Variants in PDSS2 observed in about 807,000 individuals in gnomAD.
PDSS2 encodes all trans-polyprenyl-diphosphate synthase PDSS2.
PDSS2 carries 31 observed loss-of-function variants against 44.5 expected under a neutral mutation model. The observed-to-expected ratio is 0.70, with a 90% CI of 0.52 to 0.94. The LOEUF (loss-of-function observed/expected upper bound fraction) is 0.94. Ranked by LOEUF, PDSS2 falls within the 40% of genes least tolerant of loss-of-function variation. The pLI is 0.00. For synonymous variants in PDSS2, 157 were observed against 180.3 expected (o/e 0.87, Z 1.03); for missense variants, 452 against 482.2 (o/e 0.94, Z 0.59).
chr6:107,403,072 T>C (rs924804500), intron 1 of PDSS2, among the ~76,000 whole-genome samples: 2 of 152,136 alleles, frequency 1.3e-5, no homozygotes, highest in African/African-American at 4.8e-5. Context: ...GGCAAGTCCC[T>C]TCCGCCTAGG....
chr6:107,410,924 G>A (rs916040732), intron 1 of PDSS2, among the ~76,000 whole-genome samples: 36 of 148,582 alleles, frequency 2.4e-4, no homozygotes, highest in Middle Eastern at 3.8e-3. Context: ...GTCTTATGCC[G>A]CCCAGGCTGG....
At chr6:107,410,007 T>C (rs1289123756) in intron 1 of PDSS2, among the ~76,000 whole-genome samples, 1 of 151,532 alleles carries the variant, frequency 6.6e-6, no homozygotes, top group Non-Finnish European at 1.5e-5. Flanking sequence ...GAGAGAAGAG[T>C]ATGAGAAAAG....
intron 2 of PDSS2, among the ~76,000 whole-genome samples, chr6:107,281,395 T>C (rs1186534017): frequency 6.6e-6 from 1 of 152,204 alleles, no homozygotes; most frequent in African/African-American, 2.4e-5. Flanking sequence ...TAAGTCTTGT[T>C]AGAGTCTTGT....
intron 4 of PDSS2, among the ~76,000 whole-genome samples, chr6:107,233,804 C>A (rs1201057679): frequency 6.6e-6 from 1 of 151,696 alleles, no homozygotes; most frequent in African/African-American, 2.4e-5. Flanking sequence ...CAGAGTGAGA[C>A]CCTGTCTCTG....
chr6:107,210,448 C>G lies in PDSS2; in HGVS notation c.999G>C (p.Gln333His). ...AGTAATTTCATTTTACCTCTCCGAT[C>G]TGTTTAATCCACAAATCTCTTCCAA... ...EFLGRDLWIKQIGEAQEKGRL... is the reference protein window; with the variant it reads ...EFLGRDLWIKHIGEAQEKGRL... The change falls in exon 6 of 8, where the codon CAG (glutamine) becomes CAC (histidine). Residue 333 changes from glutamine (Q) to histidine (H), a missense_variant. Gln to His is a conservative substitution (Grantham distance 24). Transcript: ENST00000369037. The G allele has an allele frequency of 6.2e-7, 1 of 1,608,228 alleles. No homozygotes were observed. The highest frequency in any genetic ancestry group is 1.1e-5 in the South Asian group (1 of 90,946).
intron 7 of PDSS2, among the ~76,000 whole-genome samples, chr6:107,168,616 G>A (rs1173948218): frequency 2.6e-5 from 4 of 151,508 alleles, no homozygotes; most frequent in East Asian, 1.9e-4. Flanking sequence ...GGCTGGTACC[G>A]GTTGTTCCTT....
At chr6:107,289,260 C>A (rs1376274766) in intron 2 of PDSS2, among the ~76,000 whole-genome samples, 3 of 151,364 alleles carry the variant, frequency 2.0e-5, no homozygotes, top group East Asian at 4.0e-4. Flanking sequence ...GCAATCCCAG[C>A]TACTCAGGAG....
chr6:107,251,138 G>C (rs1774803823), intron 3 of PDSS2, among the ~76,000 whole-genome samples: 1 of 152,176 alleles, frequency 6.6e-6, no homozygotes, highest in African/African-American at 2.4e-5. Flanking sequence ...ACAGGCGTGA[G>C]CCACCGCACC....
chr6:107,321,393 A>C (rs1258539295), intron 2 of PDSS2, among the ~76,000 whole-genome samples: 1 of 152,216 alleles, frequency 6.6e-6, no homozygotes, highest in Non-Finnish European at 1.5e-5. Flanking sequence ...TTTAGTAAGA[A>C]AACATACATA....
At chr6:107,209,680 A>C (rs1169583994) in intron 6 of PDSS2, among the ~76,000 whole-genome samples, 2 of 151,580 alleles carry the variant, frequency 1.3e-5, no homozygotes, top group Non-Finnish European at 2.9e-5. Context: ...GGCATCTCAA[A>C]GTGCTGGGAT....
intron 1 of PDSS2, among the ~76,000 whole-genome samples, chr6:107,341,408 A>G (rs1778075230): frequency 6.6e-6 from 1 of 152,218 alleles, no homozygotes; most frequent in Admixed American, 6.5e-5. Context: ...TTAACTTTGA[A>G]TGCAAGAAGG....
At chr6:107,355,311 T>C (rs778489022) in intron 1 of PDSS2, among the ~76,000 whole-genome samples, 12 of 152,206 alleles carry the variant, frequency 7.9e-5, no homozygotes, top group Non-Finnish European at 1.6e-4. Context: ...AAAATGGGTA[T>C]GCATATTTTT....
chr6:107,453,827 AAATATT>A (rs1311047152), intron 1 of PDSS2, among the ~76,000 whole-genome samples: 2 of 152,218 alleles, frequency 1.3e-5, no homozygotes, highest in Non-Finnish European at 2.9e-5. Flanking sequence ...GGAAAAAAAC[AAATATT>A]ATATAACTAC....
intron 2 of PDSS2, among the ~76,000 whole-genome samples, chr6:107,281,068 A>G (rs1399606861): frequency 2.0e-5 from 3 of 152,124 alleles, no homozygotes; most frequent in Non-Finnish European, 4.4e-5. Flanking sequence ...GATATAAGGG[A>G]ACAGATTCAG....
At chr6:107,363,817 G>C (rs71574244) in intron 1 of PDSS2, among the ~76,000 whole-genome samples, 3 of 152,216 alleles carry the variant, frequency 2.0e-5, no homozygotes, top group Non-Finnish European at 1.5e-5. Context: ...GGTTCTCCAC[G>C]TCCACATCAG....
intron 4 of PDSS2, among the ~76,000 whole-genome samples, chr6:107,227,322 T>C (rs1773867949): frequency 8.1e-6 from 1 of 124,036 alleles, no homozygotes; most frequent in African/African-American, 3.2e-5. Context: ...AGAGTCTCAC[T>C]CTGTGGCCCA....
chr6:107,383,033 G>T (rs950510835), intron 1 of PDSS2, among the ~76,000 whole-genome samples: 1 of 151,796 alleles, frequency 6.6e-6, no homozygotes, highest in African/African-American at 2.4e-5. Context: ...TGGGTGCAGT[G>T]GCTCACATCT....
At chr6:107,318,019 C>T (rs189063333) in intron 2 of PDSS2, among the ~76,000 whole-genome samples, 28 of 152,048 alleles carry the variant, frequency 1.8e-4, no homozygotes, top group Admixed American at 5.2e-4. Flanking sequence ...TAATAAGATG[C>T]GACAGTGGTT....
intron 7 of PDSS2, among the ~76,000 whole-genome samples, chr6:107,158,927 C>T (rs1397928461): frequency 1.3e-5 from 2 of 151,996 alleles, no homozygotes; most frequent in East Asian, 3.9e-4. Context: ...CAGGGTTTCA[C>T]CACATTGGTC....
Sources: gnomAD v4.1 joint callset for allele counts (sites outside exome capture counted in the v4.1 genomes callset) on GRCh38, gnomAD v4.1.1 for gene constraint, MANE v1.5 for transcripts, NCBI Gene and HGNC (gene_info 2026-07-23, HGNC 2026-07-21) for gene names.